The following RAB40B variants were observed in gnomAD, a reference collection of about 807,000 sequenced individuals.
The protein encoded by RAB40B is ras-related protein Rab-40B.
RAB40B carries 21 observed loss-of-function variants against 24.0 expected under a neutral mutation model. The ratio of observed to expected loss-of-function variants is 0.88; its 90% confidence interval spans 0.62 to 1.26. RAB40B has a LOEUF of 1.26. Among genes scored for constraint, RAB40B ranks in the 50% most tolerant of loss-of-function variants. RAB40B has a pLI of 0.00. For missense variants in RAB40B, 348 were observed against 390.5 expected (o/e 0.89, Z 0.92); for synonymous variants, 167 against 169.8 (o/e 0.98, Z 0.13).
chr17:82,688,646 TG>T (rs910790196), intron 1 of RAB40B, among the ~76,000 whole-genome samples: 2 of 148,934 alleles, frequency 1.3e-5, no homozygotes, highest in Non-Finnish European at 3.0e-5. Context: ...CAAATAGTTT[TG>T]TTTGGGCCGG....
chr17:82,690,473 AGT>A (rs1475772817), intron 1 of RAB40B, among the ~76,000 whole-genome samples: 8 of 129,810 alleles, frequency 6.2e-5, no homozygotes, highest in African/African-American at 1.9e-4. Flanking sequence ...GGGAGCATGG[AGT>A]GTGCACGTGT....
At chr17:82,688,758 AC>A (rs1329701532) in intron 1 of RAB40B, among the ~76,000 whole-genome samples, 2 of 152,028 alleles carry the variant, frequency 1.3e-5, no homozygotes, top group Non-Finnish European at 2.9e-5. Context: ...ACATAGTGAA[AC>A]CCCGTCTTTA....
At chr17:82,690,118 G>A (rs2046540773) in intron 1 of RAB40B, among the ~76,000 whole-genome samples, 1 of 152,240 alleles carries the variant, frequency 6.6e-6, no homozygotes. Flanking sequence ...GTTGCCAAGG[G>A]AAACCAGAAG....
rs1293613303 is a variant in RAB40B at position 82,692,700 on chromosome 17, G to C, written c.142+5755C>G. ...TCAAAGGTAAAACGATGCTTGTAGA[G>C]AACATTTTTTTTTTAAATCTGGGAG... On this transcript the variant is annotated intron_variant, in intron 1 of 5. Coordinates refer to ENST00000571995, the MANE Select transcript of RAB40B (RefSeq NM_006822.3). The surrounding 1 kb of genome is among the most constrained non-coding windows in gnomAD (Gnocchi z 4.0). Among the ~76,000 whole-genome samples the C allele has an allele frequency of 6.6e-6, 1 of 152,168 alleles. No homozygotes were observed. The highest frequency in any genetic ancestry group is 1.5e-5 in the Non-Finnish European group (1 of 68,026).
chr17:82,665,657 A>G (rs933517402), intron 1 of RAB40B, among the ~76,000 whole-genome samples: 1 of 152,166 alleles, frequency 6.6e-6, no homozygotes, highest in African/African-American at 2.4e-5. Flanking sequence ...ACTTGAGGTC[A>G]GGAATTCAAG....
At chr17:82,674,119 T>C (rs1239853345) in intron 1 of RAB40B, among the ~76,000 whole-genome samples, 1 of 152,026 alleles carries the variant, frequency 6.6e-6, no homozygotes, top group Non-Finnish European at 1.5e-5. Flanking sequence ...GGCGGGCGGA[T>C]CACCTGAGGT....
At chr17:82,666,764 G>A (rs1011005359) in intron 1 of RAB40B, among the ~76,000 whole-genome samples, 17 of 152,104 alleles carry the variant, frequency 1.1e-4, no homozygotes, top group African/African-American at 1.7e-4. Flanking sequence ...ACAATGACAC[G>A]TACAATCACA....
At chr17:82,659,247 C>T (rs1425385886) in intron 4 of RAB40B, 1 of 344,784 alleles carries the variant, frequency 2.9e-6, no homozygotes. Context: ...TGCGTGCCAG[C>T]AGGCACAAGC....
intron 1 of RAB40B, 63 bp from the exon 2 acceptor site, chr17:82,664,619 A>C: frequency 2.5e-5 from 37 of 1,486,582 alleles, no homozygotes; most frequent in Non-Finnish European, 3.3e-5. Context: ...TGGAAGTCTC[A>C]CGTTCAGGGA....
At chr17:82,669,247 G>C (rs1047579349) in intron 1 of RAB40B, among the ~76,000 whole-genome samples, 1 of 152,096 alleles carries the variant, frequency 6.6e-6, no homozygotes, top group Non-Finnish European at 1.5e-5. Flanking sequence ...AGGCCGAGCG[G>C]GGTGGATCAC....
intron 1 of RAB40B, among the ~76,000 whole-genome samples, chr17:82,682,860 C>T (rs1201085720): frequency 6.6e-6 from 1 of 152,134 alleles, no homozygotes; most frequent in Non-Finnish European, 1.5e-5. Context: ...AAAAAACGAA[C>T]CCGGCCGGGC....
At position 82,655,353 on chromosome 17, in the gene RAB40B, T is replaced by G. The variant is rs2046080032; in HGVS notation, c.*2510A>C. 1 of 152,160 alleles carries G rather than the reference T, an allele frequency of 6.6e-6. No homozygotes were observed. Among genetic ancestry groups the G allele is most frequent in the African/African-American group, 2.4e-5 (1 of 41,422 alleles). 9.4% of individuals were successfully genotyped at this position (152,160 alleles called of 1,614,324 possible). A position where few individuals can be genotyped will look rare whatever the true frequency, so the allele number is the denominator to read the frequency against. On this transcript the variant is annotated 3_prime_UTR_variant, in exon 6 of 6. Transcript: ENST00000571995. ...GCCTCCGGGCGGCCCGTGCATTCGG[T>G]GAACACCTCCAAAGAGCTCTGAGTC... is the stretch of plus-strand genomic sequence containing the variant.
At position 82,675,079 on chromosome 17, in the gene RAB40B, A is replaced by G. The variant is rs934475910; in HGVS notation, c.143-10523T>C. ...CAAAGCACAATGACTGGAGAGAGAG[A>G]GAGAAAACATCTGACACCCCCTAAA... On this transcript the variant is annotated intron_variant, in intron 1 of 5. Transcript: ENST00000571995. The surrounding 1 kb of genome is among the most constrained non-coding windows in gnomAD (Gnocchi z 4.5). Among the ~76,000 whole-genome samples, 5 of 152,186 alleles carry G rather than the reference A, an allele frequency of 3.3e-5. No individual in the cohort carries two copies. Among genetic ancestry groups the G allele is most frequent in the Non-Finnish European group, 7.3e-5 (5 of 68,042 alleles).
In RAB40B at chr17:82,657,469, C is replaced by A. The variant is rs1235888999; in HGVS notation, c.*394G>T. On this transcript the variant is annotated 3_prime_UTR_variant, in exon 6 of 6. Transcript: ENST00000571995. Reference sequence around the variant, plus strand: ...AAGACCCCTCTCGTAATATCAGTGACTCTAAATTATCCCGCTGCCATTGCT... The same window carrying A: ...AAGACCCCTCTCGTAATATCAGTGAATCTAAATTATCCCGCTGCCATTGCT... 1 of 350,158 alleles carries A rather than the reference C, an allele frequency of 2.9e-6. No individual in the cohort carries two copies. Among genetic ancestry groups the A allele is most frequent in the African/African-American group, 2.1e-5 (1 of 46,748 alleles). The allele number at this position is 350,158 out of a possible 1,614,324, so 21.7% of individuals were successfully genotyped here. A position where few individuals can be genotyped will look rare whatever the true frequency, so the allele number is the denominator to read the frequency against.
At chr17:82,693,551 C>T (rs2046579221) in intron 1 of RAB40B, among the ~76,000 whole-genome samples, 2 of 152,248 alleles carry the variant, frequency 1.3e-5, no homozygotes, top group African/African-American at 4.8e-5. Flanking sequence ...CAGCGATTCA[C>T]ACGCATAGGG....
At chr17:82,662,211 C>T (rs1321461970) in intron 2 of RAB40B, 12 of 985,336 alleles carry the variant, frequency 1.2e-5, no homozygotes, top group Non-Finnish European at 1.2e-5. Flanking sequence ...CTGGCCATTG[C>T]CAAAGCCTAG....
chr17:82,662,816 G>T, intron 2 of RAB40B: 1 of 985,400 alleles, frequency 1.0e-6, no homozygotes, highest in Non-Finnish European at 1.2e-6. Flanking sequence ...GGAGGCGTTC[G>T]CTAAGGTGAG....
chr17:82,663,359 A>C lies in RAB40B; in HGVS notation c.203+1137T>G, dbSNP rs2046201064. On this transcript the variant is annotated intron_variant, in intron 2 of 5. Coordinates refer to ENST00000571995, the MANE Select transcript of RAB40B (RefSeq NM_006822.3). This position sits in a 1 kb window ranked among gnomAD's most constrained non-coding sequence, Gnocchi z 6.2. ...GAGGCTCAGGCGAGGGTCACCCAGG[A>C]GTGGCAGCAGTGCAGGAGGGATGCC... Among the ~76,000 whole-genome samples the C allele has an allele frequency of 6.6e-6, 1 of 152,048 alleles. No individual in the cohort carries two copies. The highest frequency in any genetic ancestry group is 2.4e-5 in the African/African-American group (1 of 41,376).
intron 1 of RAB40B, among the ~76,000 whole-genome samples, chr17:82,685,696 T>G (rs552927085): frequency 1.3e-5 from 2 of 152,324 alleles, no homozygotes; most frequent in East Asian, 3.9e-4. Context: ...AACTGTCCTT[T>G]CGGGTTTCAC....
Sources: gnomAD v4.1 joint callset for allele counts (sites outside exome capture counted in the v4.1 genomes callset) on GRCh38, gnomAD v4.1.1 for gene constraint, Gnocchi (gnomAD v3.1) non-coding constraint, MANE v1.5 for transcripts, NCBI Gene and HGNC (gene_info 2026-07-23, HGNC 2026-07-21) for gene names.